PHF20: variants seen among roughly 807,000 people sequenced by gnomAD.
PHF20 encodes PHD finger protein 20, also known as glioma-expressed antigen 2.
Under a neutral mutation model 113.5 loss-of-function variants are expected in PHF20, and 23 were observed. That is an observed-to-expected ratio of 0.20 (90% CI 0.15 to 0.29). The LOEUF (loss-of-function observed/expected upper bound fraction) is 0.29, where lower values mean the gene tolerates loss of function less well. Ranked by LOEUF, PHF20 falls within the 10% of genes least tolerant of loss-of-function variation. The probability of loss-of-function intolerance (pLI) is 1.00; values close to 1 mark genes in which losing one functional copy is unlikely to be tolerated. For synonymous variants in PHF20, 434 were observed against 457.3 expected, an observed-to-expected ratio of 0.95 and a Z score of 0.65; for missense variants, 943 against 1,219.6, an observed-to-expected ratio of 0.77 and a Z score of 3.38.
rs371496085 is a variant in PHF20 at position 35,780,822 on chromosome 20, A to G, written c.-33+8743A>G. Among the ~76,000 whole-genome samples, 102 of 148,282 alleles carry G rather than the reference A, an allele frequency of 6.9e-4. 1 individual carries two copies. In the East Asian group the frequency reaches 0.016, roughly 24 times the overall value. On this transcript the variant is annotated intron_variant, in intron 1 of 17. Coordinates refer to ENST00000374012, the MANE Select transcript of PHF20 (RefSeq NM_016436.5). ...CTTGGCCTCCCAAAGTGCTGGGATT[A>G]CAGACATGAGCCACTGGTGCCTGGC...
At chr20:35,905,024 C>T (rs1055648821) in intron 10 of PHF20, among the ~76,000 whole-genome samples, 1 of 151,860 alleles carries the variant, frequency 6.6e-6, no homozygotes, top group Non-Finnish European at 1.5e-5. Context: ...TGGGCTTCTC[C>T]GTGTTGGTCA....
chr20:35,805,726 T>A (rs968662313), intron 2 of PHF20, among the ~76,000 whole-genome samples: 8 of 152,010 alleles, frequency 5.3e-5, no homozygotes, highest in African/African-American at 1.9e-4. Flanking sequence ...GTGATCCTCC[T>A]GCCTTGGCCT....
At chr20:35,793,301 CTTTT>C (rs755495559) in intron 1 of PHF20, among the ~76,000 whole-genome samples, 1 of 139,924 alleles carries the variant, frequency 7.1e-6, no homozygotes, top group Non-Finnish European at 1.6e-5. Flanking sequence ...CTTTCTTTTT[CTTTT>C]TTTTTTTTTT....
intron 1 of PHF20, among the ~76,000 whole-genome samples, chr20:35,798,083 A>G (rs1160353294): frequency 6.6e-6 from 1 of 152,230 alleles, no homozygotes; most frequent in Non-Finnish European, 1.5e-5. Context: ...ACAATCACCA[A>G]TAACCTATAA....
chr20:35,930,659 G>A (rs6058369), intron 14 of PHF20, among the ~76,000 whole-genome samples: 5 of 152,310 alleles, frequency 3.3e-5, no homozygotes, highest in African/African-American at 1.2e-4. Context: ...GGGCAACAGA[G>A]TGAGACCCTG....
At chr20:35,807,738 T>G (rs918544264) in intron 2 of PHF20, among the ~76,000 whole-genome samples, 3 of 152,200 alleles carry the variant, frequency 2.0e-5, no homozygotes, top group African/African-American at 7.2e-5. Context: ...GGATTTTATA[T>G]AGTTTGAAAA....
At chr20:35,919,648 C>G (rs908114779) in intron 13 of PHF20, among the ~76,000 whole-genome samples, 1 of 152,168 alleles carries the variant, frequency 6.6e-6, no homozygotes, top group African/African-American at 2.4e-5. Context: ...TTTTTCCTCT[C>G]ATCTTTGAAT....
intron 10 of PHF20, among the ~76,000 whole-genome samples, chr20:35,902,355 A>G (rs1013722663): frequency 6.6e-6 from 1 of 152,184 alleles, no homozygotes; most frequent in African/African-American, 2.4e-5. Flanking sequence ...CTGGAAGTAG[A>G]GTGCAGCCTA....
chr20:35,921,951 T>C, intron 13 of PHF20, among the ~76,000 whole-genome samples: 1 of 152,246 alleles, frequency 6.6e-6, no homozygotes, highest in East Asian at 1.9e-4. Context: ...AACCCATTTC[T>C]GATCCACTCT....
intron 9 of PHF20, among the ~76,000 whole-genome samples, chr20:35,883,042 A>G (rs957376099): frequency 6.6e-6 from 1 of 151,216 alleles, no homozygotes; most frequent in Non-Finnish European, 1.5e-5. Flanking sequence ...AAAAAAAAAA[A>G]AGAAAAAAGA....
intron 1 of PHF20, among the ~76,000 whole-genome samples, chr20:35,789,362 C>T (rs955920727): frequency 2.7e-5 from 4 of 148,464 alleles, no homozygotes; most frequent in African/African-American, 5.0e-5. Flanking sequence ...ATCTGGGAGA[C>T]AGAGGTTGCA....
intron 1 of PHF20, among the ~76,000 whole-genome samples, chr20:35,773,474 T>A (rs1296120296): frequency 6.6e-6 from 1 of 152,102 alleles, no homozygotes; most frequent in Non-Finnish European, 1.5e-5. Flanking sequence ...TGCGGGCTTT[T>A]CTTCTGAGCA....
chr20:35,784,157 G>A (rs971522872), intron 1 of PHF20, among the ~76,000 whole-genome samples: 3 of 150,976 alleles, frequency 2.0e-5, no homozygotes, highest in Non-Finnish European at 4.4e-5. Context: ...GGGTTCAAGC[G>A]ATTCTCCTGC....
At chr20:35,857,581 T>TTG (rs2042859389) in intron 4 of PHF20, among the ~76,000 whole-genome samples, 1 of 144,014 alleles carries the variant, frequency 6.9e-6, no homozygotes, top group Non-Finnish European at 1.5e-5. Context: ...TTTTTTTTTT[T>TTG]TTTTTGTTTT....
At chr20:35,939,141 AT>A in intron 16 of PHF20, 33 bp downstream of exon 16, 1 of 1,541,226 alleles carries the variant, frequency 6.5e-7, no homozygotes, top group South Asian at 1.2e-5. Context: ...TTCTTCATTC[AT>A]TGCGTGAATG....
intron 10 of PHF20, among the ~76,000 whole-genome samples, chr20:35,912,345 A>T (rs1321677230): frequency 6.6e-6 from 1 of 152,170 alleles, no homozygotes; most frequent in African/African-American, 2.4e-5. Flanking sequence ...GGTAGGTGGG[A>T]AGCTTTTTAG....
chr20:35,890,343 A>G (rs1435038082), intron 9 of PHF20, among the ~76,000 whole-genome samples: 4 of 152,228 alleles, frequency 2.6e-5, no homozygotes. Context: ...TTTAAAATGT[A>G]GGATATTTTT....
At chr20:35,846,202 C>T (rs559512671) in intron 3 of PHF20, among the ~76,000 whole-genome samples, 1 of 147,010 alleles carries the variant, frequency 6.8e-6, no homozygotes, top group African/African-American at 2.5e-5. Context: ...TTTTTTGAGA[C>T]AGAGTCTCAC....
At chr20:35,891,640 GACTGGCTGA>G (rs1476466627) in intron 9 of PHF20, among the ~76,000 whole-genome samples, 1 of 152,160 alleles carries the variant, frequency 6.6e-6, no homozygotes, top group African/African-American at 2.4e-5. Context: ...ACATGGCCTA[GACTGGCTGA>G]ACTGGCAGCC....
Sources: allele counts gnomAD v4.1 joint callset (sites outside exome capture counted in the v4.1 genomes callset), GRCh38; gene constraint gnomAD v4.1.1; transcripts MANE v1.5; gene names NCBI Gene and HGNC (gene_info 2026-07-23, HGNC 2026-07-21).